Variants in ARL14EP observed in about 807,000 individuals in gnomAD.
ARL14EP encodes the protein ARL14 effector protein.
Under a neutral mutation model 23.1 loss-of-function variants are expected in ARL14EP, and 12 were observed. That is an observed-to-expected ratio of 0.52 (90% CI 0.33 to 0.84). ARL14EP has a LOEUF of 0.84. Among genes scored for constraint, ARL14EP ranks in the 40% least tolerant of loss-of-function variants. The probability of loss-of-function intolerance (pLI) is 0.02; values close to 1 mark genes in which losing one functional copy is unlikely to be tolerated. For synonymous variants in ARL14EP, 97 were observed against 102.0 expected (o/e 0.95, Z 0.29); for missense variants, 253 against 307.3 (o/e 0.82, Z 1.32).
chr11:30,324,462 A>G (rs1947221421), intron 1 of ARL14EP, among the ~76,000 whole-genome samples: 1 of 152,150 alleles, frequency 6.6e-6, no homozygotes, highest in Non-Finnish European at 1.5e-5. Flanking sequence ...TCCCCTACAA[A>G]TTTAGGAAGA....
chr11:30,325,618 A>AT (rs1341242284), intron 1 of ARL14EP, among the ~76,000 whole-genome samples: 4 of 151,998 alleles, frequency 2.6e-5, no homozygotes, highest in Non-Finnish European at 4.4e-5. Flanking sequence ...AAGAAGCTGG[A>AT]TTTTTTTTCT....
chr11:30,333,676 T>C (rs1947305156), intron 3 of ARL14EP, among the ~76,000 whole-genome samples: 1 of 152,118 alleles, frequency 6.6e-6, no homozygotes, highest in Non-Finnish European at 1.5e-5. Context: ...TTGAAATTGG[T>C]CCAACTAATA....
intron 2 of ARL14EP, 89 bp from the exon 3 acceptor site, chr11:30,332,777 A>T: frequency 6.7e-7 from 1 of 1,487,068 alleles, no homozygotes. Flanking sequence ...CTTCCATGTT[A>T]GGGAATCGTC....
chr11:30,331,414 A>C (rs370604478), intron 2 of ARL14EP, 40 bp downstream of exon 2: 15 of 1,612,792 alleles, frequency 9.3e-6, no homozygotes, highest in Non-Finnish European at 1.2e-5. Flanking sequence ...TGTGAATTCT[A>C]CCATGTAGGA....
Position 30,336,624 on chromosome 11 carries a change from T to C in ARL14EP, c.612T>C (p.Ser204=). The C allele has an allele frequency of 1.2e-6, 2 of 1,614,136 alleles. No individual in the cohort carries two copies. Reference sequence around the variant, plus strand: ...ATAGCCAGGGTCTCCTGATTTTTAGTGGGATGGACCTCTGTGACTGCCTGG... The same window carrying C: ...ATAGCCAGGGTCTCCTGATTTTTAGCGGGATGGACCTCTGTGACTGCCTGG... ...VYDSQGLLIF[S]GMDLCDCLDE... is the part of the protein sequence containing the mutation. The change falls in exon 4 of 4, where the codon AGT becomes AGC. Residue 204 remains serine (S), a synonymous_variant. Coordinates refer to ENST00000282032, the MANE Select transcript of ARL14EP (RefSeq NM_152316.3).
intron 1 of ARL14EP, among the ~76,000 whole-genome samples, chr11:30,327,637 G>A (rs1947246881): frequency 6.6e-6 from 1 of 152,054 alleles, no homozygotes; most frequent in Non-Finnish European, 1.5e-5. Context: ...ACAGTGATGA[G>A]GGATAGTTGT....
rs112346123 is a variant in ARL14EP at position 30,324,061 on chromosome 11, C to G, written c.-64+859C>G. ...GGCCAATTGTCATGTTATAGGTAAT[C>G]AGTATTTGAAGATGACAGGCACAAA... is the stretch of plus-strand genomic sequence containing the variant. On this transcript the variant is annotated intron_variant, in intron 1 of 3. Transcript: ENST00000282032. Among the ~76,000 whole-genome samples the G allele has an allele frequency of 6.7e-3, 1,021 of 152,204 alleles. 10 individuals carry two copies. Among genetic ancestry groups the G allele is most frequent in the African/African-American group, 0.023 (965 of 41,528 alleles).
In ARL14EP at chr11:30,330,991, A is replaced by G. The variant is rs1356140783; in HGVS notation, c.43A>G (p.Asn15Asp). The G allele has an allele frequency of 2.5e-6, 4 of 1,613,842 alleles. No homozygotes were observed. The highest frequency in any genetic ancestry group is 2.2e-5 in the East Asian group (1 of 44,854). ...AGTTGGAGTCCAGCTTCGTACTACA[A>G]ATGAGTGCCATAAAACCTACTATAC... is the stretch of plus-strand genomic sequence containing the variant. ...CSVGVQLRTT[N>D]ECHKTYYTRH... The change falls in exon 2 of 4, where the codon AAT becomes GAT. Residue 15 changes from asparagine (N) to aspartate (D), a missense_variant. Coordinates refer to ENST00000282032, the MANE Select transcript of ARL14EP (RefSeq NM_152316.3).
chr11:30,336,698 C>G lies in ARL14EP; in HGVS notation c.686C>G (p.Thr229Ser). 6.2e-7 allele frequency: 1 copy of G among 1,614,100 alleles called. No homozygotes were observed. The highest frequency in any genetic ancestry group is 8.5e-7 in the Non-Finnish European group (1 of 1,180,026). ...CFYACPACGSTKCGAECRCDR... is the reference protein window; with the variant it reads ...CFYACPACGSSKCGAECRCDR... ...TATGCTTGTCCTGCCTGTGGTTCTA[C>G]CAAGTGTGGAGCTGAATGCCGCTGT... Residue 229 changes from threonine to serine, a missense_variant, in exon 4 of 4, where the codon ACC becomes AGC. Transcript: ENST00000282032.
intron 1 of ARL14EP, chr11:30,328,115 T>C (rs79582549): frequency 4.0e-5 from 6 of 151,404 alleles, no homozygotes; most frequent in Middle Eastern, 3.4e-3. Context: ...CTTAATCCAA[T>C]TATCTGTTTG....
chr11:30,334,175 C>T (rs903470629), intron 3 of ARL14EP, among the ~76,000 whole-genome samples: 2 of 146,528 alleles, frequency 1.4e-5, no homozygotes, highest in African/African-American at 5.0e-5. Context: ...GGTAGCTACA[C>T]TACCCAACAG....
intron 1 of ARL14EP, 63 bp from the exon 2 acceptor site, chr11:30,330,823 G>T: frequency 1.1e-6 from 1 of 870,722 alleles, no homozygotes; most frequent in Non-Finnish European, 1.8e-6. Flanking sequence ...TTTATCAAAT[G>T]CTTTTTCAGT....
At chr11:30,331,623 G>T (rs1431421780) in intron 2 of ARL14EP, 17 of 1,346,210 alleles carry the variant, frequency 1.3e-5, no homozygotes, top group Non-Finnish European at 1.6e-5. Flanking sequence ...ACAACTTTTA[G>T]TGCGAAGACT....
intron 1 of ARL14EP, among the ~76,000 whole-genome samples, chr11:30,327,085 C>T (rs1171262906): frequency 6.6e-6 from 1 of 152,274 alleles, no homozygotes; most frequent in East Asian, 1.9e-4. Flanking sequence ...GGTGCTAGCT[C>T]AATGTGCTGC....
chr11:30,336,178 G>A (rs1947330268), intron 3 of ARL14EP, among the ~76,000 whole-genome samples: 1 of 152,062 alleles, frequency 6.6e-6, no homozygotes, highest in African/African-American at 2.4e-5. Flanking sequence ...ATTAATTGTA[G>A]TATAAAAATC....
At chr11:30,331,563 G>C (rs1370397043) in intron 2 of ARL14EP, 189 bp downstream of exon 2, 1 of 1,432,658 alleles carries the variant, frequency 7.0e-7, no homozygotes, top group African/African-American at 1.4e-5. Flanking sequence ...GGGGGATAAA[G>C]AAAGTAGGCC....
rs561107603 is a variant in ARL14EP at position 30,329,903 on chromosome 11, A to G, written c.-63-983A>G. 2.6e-5 allele frequency: 4 copies of G among 152,120 alleles called. No homozygotes were observed. The South Asian group carries it at 8.3e-4, about 31-fold the overall frequency. The allele number at this position is 152,120 out of a possible 1,614,324, so 9.4% of individuals were successfully genotyped here. On this transcript the variant is annotated intron_variant, in intron 1 of 3. Coordinates refer to ENST00000282032, the MANE Select transcript of ARL14EP (RefSeq NM_152316.3). ...GTAAATTTTACATATAATCAAATAT[A>G]TCCATCTTTTTATTTATTTATTTTT... is the stretch of plus-strand genomic sequence containing the variant.
At chr11:30,333,551 A>G (rs923373281) in intron 3 of ARL14EP, among the ~76,000 whole-genome samples, 3 of 152,184 alleles carry the variant, frequency 2.0e-5, no homozygotes, top group African/African-American at 7.2e-5. Flanking sequence ...CACTAATGCA[A>G]GGTGGTGAAC....
intron 2 of ARL14EP, 116 bp downstream of exon 2, chr11:30,331,490 A>G: frequency 6.5e-7 from 1 of 1,531,184 alleles, no homozygotes; most frequent in Non-Finnish European, 8.7e-7. Flanking sequence ...CAGTGAATTA[A>G]AAGGAGGGGT....
Sources: allele counts gnomAD v4.1 joint callset (sites outside exome capture counted in the v4.1 genomes callset), GRCh38; gene constraint gnomAD v4.1.1; transcripts MANE v1.5; gene names NCBI Gene and HGNC (gene_info 2026-07-23, HGNC 2026-07-21).